Variants in DGKI observed in about 807,000 individuals in gnomAD.
DGKI encodes diacylglycerol kinase iota, also known as DAG kinase iota.
DGKI carries 55 observed loss-of-function variants against 147.5 expected under a neutral mutation model. The ratio of observed to expected loss-of-function variants is 0.37; its 90% CI spans 0.30 to 0.47. The LOEUF (loss-of-function observed/expected upper bound fraction) is 0.47, where lower values mean the gene tolerates loss of function less well. DGKI is among the 20% of genes least tolerant of loss of function. The probability of loss-of-function intolerance (pLI) is 1.00; values close to 1 mark genes in which losing one functional copy is unlikely to be tolerated. For missense variants in DGKI, 1,007 were observed against 1,323.8 expected, an observed-to-expected ratio of 0.76 and a Z score of 3.71; for synonymous variants, 469 against 477.1, an observed-to-expected ratio of 0.98 and a Z score of 0.22.
intron 8 of DGKI, among the ~76,000 whole-genome samples, chr7:137,610,729 T>G (rs1820336197): frequency 6.6e-6 from 1 of 152,220 alleles, no homozygotes; most frequent in African/African-American, 2.4e-5. Flanking sequence ...AATGTATTCT[T>G]TTTTCTTTGA....
chr7:137,557,659 T>C (rs1468747553), intron 19 of DGKI, among the ~76,000 whole-genome samples: 2 of 152,190 alleles, frequency 1.3e-5, no homozygotes, highest in African/African-American at 2.4e-5. Context: ...TGTCTGGCAA[T>C]AGCTAGTAAT....
chr7:137,749,725 T>C (rs1316961580), intron 1 of DGKI, among the ~76,000 whole-genome samples: 2 of 152,160 alleles, frequency 1.3e-5, no homozygotes, highest in African/African-American at 4.8e-5. Flanking sequence ...CTGAGTTTAA[T>C]CAAAATTCAA....
At chr7:137,602,103 G>C (rs937761159) in intron 10 of DGKI, among the ~76,000 whole-genome samples, 1 of 152,064 alleles carries the variant, frequency 6.6e-6, no homozygotes, top group Admixed American at 6.6e-5. Flanking sequence ...GGTAACACAG[G>C]AGTTATTTTA....
chr7:137,720,250 CTTT>C (rs552382033), intron 1 of DGKI, among the ~76,000 whole-genome samples: 15 of 88,212 alleles, frequency 1.7e-4, no homozygotes, highest in African/African-American at 4.7e-4. Flanking sequence ...TTGAAAAAAT[CTTT>C]TTTTTTTTTT....
chr7:137,597,752 T>G, intron 12 of DGKI, 95 bp downstream of exon 12: 2 of 1,162,232 alleles, frequency 1.7e-6, no homozygotes, highest in Non-Finnish European at 2.5e-6. Flanking sequence ...GTTAGGGGAT[T>G]AGAAAGACTG....
intron 1 of DGKI, among the ~76,000 whole-genome samples, chr7:137,725,591 CTTG>C (rs1794694251): frequency 1.6e-5 from 2 of 123,206 alleles, no homozygotes; most frequent in Non-Finnish European, 3.2e-5. Flanking sequence ...AAAAAGGTAG[CTTG>C]TTTTCTTTAA....
In DGKI at chr7:137,580,829, C is replaced by A. The variant is rs142985045; in HGVS notation, c.1642+1021G>T. On this transcript the variant is annotated intron_variant, in intron 15 of 32. Transcript: ENST00000614521. ...CTGTTATTTCAAATTCCAAAGTATG[C>A]AAAAATTCTAAACACCACTTCCTTT... 9.6e-3 allele frequency among the ~76,000 whole-genome samples: 1,461 copies of A among 152,142 alleles called. 15 individuals carry two copies. The highest frequency in any genetic ancestry group is 0.024 in the Middle Eastern group (7 of 294).
intron 23 of DGKI, among the ~76,000 whole-genome samples, chr7:137,472,976 A>C (rs1019835741): frequency 2.0e-5 from 3 of 152,152 alleles, no homozygotes; most frequent in Admixed American, 6.5e-5. Flanking sequence ...CTAAGGATCC[A>C]TCACACTATC....
rs1345654483 is a variant in DGKI at position 137,599,712 on chromosome 7, G to A, written c.1250+111C>T. 5 of 898,010 alleles carry A rather than the reference G, an allele frequency of 5.6e-6. No individual in the cohort carries two copies. The Admixed American group carries it at 7.9e-5, about 14-fold the overall frequency. 55.6% of individuals were successfully genotyped at this position (898,010 alleles called of 1,614,324 possible). ...AAAGGAAGGAGAGTACAGGTGAGAA[G>A]GTAGATGACAGATGGTCAGGATATA... On this transcript the variant is annotated intron_variant, in intron 11 of 32. Coordinates refer to ENST00000614521, the MANE Select transcript of DGKI (RefSeq NM_001321708.2).
intron 4 of DGKI, among the ~76,000 whole-genome samples, chr7:137,655,518 G>T (rs376834187): frequency 6.6e-6 from 1 of 152,142 alleles, no homozygotes; most frequent in Admixed American, 6.5e-5. Flanking sequence ...CTTTATAAAA[G>T]GATTCAGCAC....
At chr7:137,537,632 T>A (rs1817563221) in intron 20 of DGKI, among the ~76,000 whole-genome samples, 1 of 152,122 alleles carries the variant, frequency 6.6e-6, no homozygotes, top group Non-Finnish European at 1.5e-5. Flanking sequence ...TCAAAAATTA[T>A]AATCCACGAA....
At chr7:137,751,717 T>C (rs979649271) in intron 1 of DGKI, among the ~76,000 whole-genome samples, 5 of 152,290 alleles carry the variant, frequency 3.3e-5, no homozygotes, top group South Asian at 2.1e-4. Context: ...GTTGGCCAGG[T>C]AATCTGTGTC....
At chr7:137,704,726 A>C (rs1347918394) in intron 1 of DGKI, among the ~76,000 whole-genome samples, 1 of 152,198 alleles carries the variant, frequency 6.6e-6, no homozygotes, top group African/African-American at 2.4e-5. Flanking sequence ...TCATAGTCAA[A>C]ATGTCAAAAG....
rs1230872281 is a variant in DGKI at position 137,795,010 on chromosome 7, T to C, written c.401+51452A>G. Among the ~76,000 whole-genome samples the C allele has an allele frequency of 2.6e-5, 4 of 152,262 alleles. No individual in the cohort carries two copies. The East Asian group carries it at 5.8e-4, about 22-fold the overall frequency. ...ACAAAACAACTTCCTAGTCTGATAT[T>C]TGTGTCTCAAAAGAAGTCAGTCCTG... On this transcript the variant is annotated intron_variant, in intron 1 of 32. Transcript: ENST00000614521.
At chr7:137,653,179 T>C (rs1822098275) in intron 5 of DGKI, among the ~76,000 whole-genome samples, 1 of 152,252 alleles carries the variant, frequency 6.6e-6, no homozygotes, top group Non-Finnish European at 1.5e-5. Flanking sequence ...TAGCTTGGTT[T>C]AGTCTGGGCT....
intron 32 of DGKI, among the ~76,000 whole-genome samples, chr7:137,395,351 A>G (rs1811510614): frequency 6.6e-6 from 1 of 152,168 alleles, no homozygotes; most frequent in South Asian, 2.1e-4. Context: ...GACAACCCCA[A>G]AGTCCCAAGG....
At chr7:137,443,959 C>T in intron 28 of DGKI, 118 bp downstream of exon 28, 1 of 829,972 alleles carries the variant, frequency 1.2e-6, no homozygotes, top group African/African-American at 1.8e-5. Context: ...TCAAAAACCA[C>T]AAAGCCAATA....
intron 29 of DGKI, among the ~76,000 whole-genome samples, chr7:137,411,921 G>A (rs2128901116): frequency 6.6e-6 from 1 of 152,268 alleles, no homozygotes; most frequent in East Asian, 1.9e-4. Context: ...TCAGCTTCTA[G>A]AGGGCAGGCA....
At chr7:137,622,190 T>C (rs1343804177) in intron 7 of DGKI, among the ~76,000 whole-genome samples, 2 of 151,876 alleles carry the variant, frequency 1.3e-5, no homozygotes, top group Non-Finnish European at 2.9e-5. Flanking sequence ...TTCTGACATG[T>C]AGGAGGCTAG....
Sources: allele counts gnomAD v4.1 joint callset (sites outside exome capture counted in the v4.1 genomes callset), GRCh38; gene constraint gnomAD v4.1.1; transcripts MANE v1.5; gene names NCBI Gene and HGNC (gene_info 2026-07-23, HGNC 2026-07-21).